COBL: variants seen among roughly 807,000 people sequenced by gnomAD.
The protein encoded by COBL is protein cordon-bleu.
Under a neutral mutation model 98.8 loss-of-function variants are expected in COBL, and 51 were observed. The observed-to-expected ratio is 0.52, with a 90% CI of 0.41 to 0.65. The LOEUF (loss-of-function observed/expected upper bound fraction) is 0.65, where lower values mean the gene tolerates loss of function less well. Ranked by LOEUF, COBL falls within the 30% of genes least tolerant of loss-of-function variation. The probability of loss-of-function intolerance (pLI) is 0.00; values close to 1 mark genes in which losing one functional copy is unlikely to be tolerated. For synonymous variants in COBL, 634 were observed against 651.7 expected (o/e 0.97, Z 0.41); for missense variants, 1,617 against 1,617.5 (o/e 1.00, Z 0.01).
chr7:51,219,023 C>T (rs1472798108), intron 2 of COBL, among the ~76,000 whole-genome samples: 1 of 152,096 alleles, frequency 6.6e-6, no homozygotes, highest in Non-Finnish European at 1.5e-5. Flanking sequence ...ACAATAAAAT[C>T]ATGATTATTT....
At chr7:51,313,346 T>C (rs1803236005) in intron 1 of COBL, among the ~76,000 whole-genome samples, 1 of 152,240 alleles carries the variant, frequency 6.6e-6, no homozygotes, top group Non-Finnish European at 1.5e-5. Flanking sequence ...CTTAATACTA[T>C]GTGCGGCACC....
At chr7:51,077,121 T>A (rs1350295758) in intron 7 of COBL, among the ~76,000 whole-genome samples, 5 of 152,200 alleles carry the variant, frequency 3.3e-5, no homozygotes, top group Non-Finnish European at 5.9e-5. Context: ...AAAGTTATGA[T>A]GAAAAATCCG....
chr7:51,267,377 T>C (rs1440532686), intron 1 of COBL, among the ~76,000 whole-genome samples: 1 of 152,108 alleles, frequency 6.6e-6, no homozygotes. Flanking sequence ...CACAGCCACC[T>C]GCACTGGTGA....
intron 1 of COBL, among the ~76,000 whole-genome samples, chr7:51,277,384 C>A (rs1051644488): frequency 1.3e-5 from 2 of 152,140 alleles, no homozygotes; most frequent in African/African-American, 4.8e-5. Context: ...GAGAATAGAG[C>A]AAACACACCT....
intron 5 of COBL, among the ~76,000 whole-genome samples, chr7:51,174,775 C>A (rs917097824): frequency 6.6e-6 from 1 of 152,342 alleles, no homozygotes; most frequent in East Asian, 1.9e-4. Flanking sequence ...CCTTTAAAAA[C>A]CTTCTTATAA....
intron 1 of COBL, among the ~76,000 whole-genome samples, chr7:51,292,679 G>C (rs1000758242): frequency 1.3e-5 from 2 of 152,222 alleles, no homozygotes; most frequent in Non-Finnish European, 2.9e-5. Context: ...CCTGTGTGGA[G>C]GGTCCCTCCT....
At chr7:51,256,399 C>T (rs999797905) in intron 1 of COBL, among the ~76,000 whole-genome samples, 4 of 152,234 alleles carry the variant, frequency 2.6e-5, no homozygotes, top group African/African-American at 7.2e-5. Context: ...ACAAGCAAGT[C>T]TTTGTGTGTC....
Position 51,017,581 on chromosome 7 carries a change from G to A in COBL, c.3769-13C>T. The A allele has an allele frequency of 6.2e-7, 1 of 1,613,904 alleles. No individual in the cohort carries two copies. Among genetic ancestry groups the A allele is most frequent in the South Asian group, 1.1e-5 (1 of 91,076 alleles). On this transcript the variant is annotated splice_polypyrimidine_tract_variant and intron_variant, in intron 12 of 12. Coordinates refer to ENST00000265136, the MANE Select transcript of COBL (RefSeq NM_015198.5). Reference sequence around the variant, plus strand: ...CGAGCAAGGGCACCTGCAGGGAAGAGAGATTCACAGTTATTTGGTATGTCA... The same window carrying A: ...CGAGCAAGGGCACCTGCAGGGAAGAAAGATTCACAGTTATTTGGTATGTCA...
chr7:51,101,220 A>C (rs1307035285), intron 6 of COBL, among the ~76,000 whole-genome samples: 4 of 152,224 alleles, frequency 2.6e-5, no homozygotes, highest in Admixed American at 2.6e-4. Flanking sequence ...AAAGTCAGAG[A>C]CCCTTCAATA....
intron 1 of COBL, among the ~76,000 whole-genome samples, chr7:51,280,005 T>C (rs1354207174): frequency 6.6e-6 from 1 of 152,158 alleles, no homozygotes; most frequent in Non-Finnish European, 1.5e-5. Context: ...ACATGCACTT[T>C]ATAAGAAAAA....
At chr7:51,129,264 G>C (rs963031703) in intron 6 of COBL, among the ~76,000 whole-genome samples, 1 of 151,944 alleles carries the variant, frequency 6.6e-6, no homozygotes, top group African/African-American at 2.4e-5. Flanking sequence ...TGTGTCTGGA[G>C]GGCCGGCTTC....
In COBL at chr7:51,107,567, G is replaced by A. The variant is rs188615954; in HGVS notation, c.958-22263C>T. On this transcript the variant is annotated intron_variant, in intron 6 of 12. Coordinates refer to ENST00000265136, the MANE Select transcript of COBL (RefSeq NM_015198.5). ...GTTTTAGCTAGAAATATGTGCAGAC[G>A]TTTATAATCTTTTTACTTTTTTAAA... Among the ~76,000 whole-genome samples the A allele has an allele frequency of 1.2e-4, 18 of 152,220 alleles. No individual in the cohort carries two copies. The East Asian group carries it at 1.9e-3, about 16-fold the overall frequency.
intron 1 of COBL, among the ~76,000 whole-genome samples, chr7:51,272,580 G>A (rs576420314): frequency 1.3e-5 from 2 of 152,264 alleles, no homozygotes; most frequent in East Asian, 3.9e-4. Context: ...TTGGGAACAT[G>A]CACACTCAGG....
At chr7:51,138,451 T>C (rs1583923922) in intron 5 of COBL, among the ~76,000 whole-genome samples, 1 of 152,254 alleles carries the variant, frequency 6.6e-6, no homozygotes, top group East Asian at 1.9e-4. Context: ...AGAGAAGGGA[T>C]TTTGCTATTC....
intron 8 of COBL, among the ~76,000 whole-genome samples, chr7:51,037,815 C>T (rs925875885): frequency 6.6e-5 from 10 of 152,184 alleles, no homozygotes; most frequent in Admixed American, 2.0e-4. Flanking sequence ...TGAAAACATA[C>T]GCTTTTCAAA....
At chr7:51,300,701 G>A (rs1439765583) in intron 1 of COBL, among the ~76,000 whole-genome samples, 2 of 152,182 alleles carry the variant, frequency 1.3e-5, no homozygotes, top group Non-Finnish European at 2.9e-5. Context: ...GAGCTCTGGA[G>A]AGGAAATGAT....
intron 1 of COBL, among the ~76,000 whole-genome samples, chr7:51,243,748 G>C (rs943059052): frequency 6.6e-6 from 1 of 152,194 alleles, no homozygotes; most frequent in Non-Finnish European, 1.5e-5. Context: ...GTTGGGGACG[G>C]CAGGAGGAGG....
intron 2 of COBL, among the ~76,000 whole-genome samples, chr7:51,216,514 G>A (rs979964314): frequency 2.0e-5 from 3 of 152,186 alleles, no homozygotes; most frequent in Non-Finnish European, 4.4e-5. Context: ...TGATGGGATT[G>A]TGGCCTCTGT....
At chr7:51,023,571 C>T (rs1053344453) in intron 12 of COBL, among the ~76,000 whole-genome samples, 14 of 152,322 alleles carry the variant, frequency 9.2e-5, no homozygotes, top group South Asian at 2.1e-4. Context: ...AATCAGTGGG[C>T]GCTCAGGCTG....
Sources: allele counts gnomAD v4.1 joint callset (sites outside exome capture counted in the v4.1 genomes callset), GRCh38; gene constraint gnomAD v4.1.1; transcripts MANE v1.5; gene names NCBI Gene and HGNC (gene_info 2026-07-23, HGNC 2026-07-21).